FRY: variants seen among roughly 807,000 people sequenced by gnomAD.
FRY encodes protein furry homolog.
Under a neutral mutation model 348.4 loss-of-function variants are expected in FRY, and 128 were observed. That is an observed-to-expected ratio of 0.37 (90% CI 0.32 to 0.43). The LOEUF is 0.43. Among genes scored for constraint, FRY ranks in the 20% least tolerant of loss-of-function variants. The pLI, the probability that FRY is intolerant of heterozygous loss-of-function variation, is 1.00. For missense variants in FRY, 2,736 were observed against 3,695.2 expected (o/e 0.74, Z 6.73); for synonymous variants, 1,370 against 1,374.7 (o/e 1.00, Z 0.08).
chr13:32,176,278 A>C (rs1272387667), intron 20 of FRY, among the ~76,000 whole-genome samples: 1 of 152,252 alleles, frequency 6.6e-6, no homozygotes, highest in African/African-American at 2.4e-5. Flanking sequence ...TGACTTTTAA[A>C]AAATAAAAGT....
At chr13:32,044,065 C>T (rs1217791338) in intron 1 of FRY, among the ~76,000 whole-genome samples, 2 of 150,686 alleles carry the variant, frequency 1.3e-5, no homozygotes, top group Non-Finnish European at 3.0e-5. Flanking sequence ...TAAAATAAGA[C>T]CAAAAAAAGA....
At chr13:32,047,432 CTAAAGA>C (rs1472926789) in intron 1 of FRY, among the ~76,000 whole-genome samples, 1 of 152,238 alleles carries the variant, frequency 6.6e-6, no homozygotes, top group Non-Finnish European at 1.5e-5. Context: ...AATTAACCAT[CTAAAGA>C]TATCCAAGAT....
At chr13:32,282,849 T>A (rs1054366630) in intron 58 of FRY, among the ~76,000 whole-genome samples, 1 of 152,146 alleles carries the variant, frequency 6.6e-6, no homozygotes, top group African/African-American at 2.4e-5. Flanking sequence ...AATTTAAAAC[T>A]TTCACACATA....
chr13:32,287,284 T>G (rs1336268650), intron 58 of FRY, among the ~76,000 whole-genome samples: 1 of 152,210 alleles, frequency 6.6e-6, no homozygotes, highest in Non-Finnish European at 1.5e-5. Context: ...TTTAGTCCTT[T>G]GAAATTAAAA....
intron 1 of FRY, among the ~76,000 whole-genome samples, chr13:32,058,648 C>T (rs962046905): frequency 2.6e-5 from 4 of 152,048 alleles, no homozygotes; most frequent in Admixed American, 6.5e-5. Flanking sequence ...ATACATTTGA[C>T]GGAGGAACAA....
At chr13:32,254,202 G>A in intron 50 of FRY, 22 bp from the exon 51 acceptor site, 1 of 1,612,806 alleles carries the variant, frequency 6.2e-7, no homozygotes, top group Non-Finnish European at 8.5e-7. Context: ...CGGTTTCTCA[G>A]GAGAGGACTC....
At chr13:32,259,753 T>G (rs1318521101) in intron 51 of FRY, among the ~76,000 whole-genome samples, 1 of 152,226 alleles carries the variant, frequency 6.6e-6, no homozygotes, top group Non-Finnish European at 1.5e-5. Context: ...TGGATTTTCC[T>G]TTTCTTCCCA....
At chr13:32,214,691 G>T (rs749280283) in intron 35 of FRY, among the ~76,000 whole-genome samples, 1 of 152,150 alleles carries the variant, frequency 6.6e-6, no homozygotes, top group Non-Finnish European at 1.5e-5. Flanking sequence ...CCACCAGTCC[G>T]CTTTCCCTTA....
At chr13:32,109,299 G>T (rs1324555413) in intron 3 of FRY, among the ~76,000 whole-genome samples, 1 of 152,168 alleles carries the variant, frequency 6.6e-6, no homozygotes, top group Non-Finnish European at 1.5e-5. Flanking sequence ...TCACAAAAAT[G>T]AATAAGACAG....
chr13:32,262,498 G>A, intron 53 of FRY, 23 bp downstream of exon 53: 2 of 1,583,102 alleles, frequency 1.3e-6, no homozygotes, highest in Non-Finnish European at 1.7e-6. Context: ...TAACAATGAT[G>A]ATTTGTACTT....
chr13:32,131,905 G>T (rs1593649264), intron 8 of FRY, 65 bp downstream of exon 8: 1 of 1,239,164 alleles, frequency 8.1e-7, no homozygotes, highest in East Asian at 2.3e-5. Flanking sequence ...TCAAAATGAT[G>T]AACCTGGAAC....
chr13:32,078,428 G>T (rs1333879899), intron 1 of FRY, among the ~76,000 whole-genome samples: 1 of 152,112 alleles, frequency 6.6e-6, no homozygotes, highest in Non-Finnish European at 1.5e-5. Flanking sequence ...AACACAGAGA[G>T]CTCTTGACCA....
chr13:32,255,896 T>A (rs989028503), intron 51 of FRY, among the ~76,000 whole-genome samples: 2 of 152,166 alleles, frequency 1.3e-5, no homozygotes, highest in African/African-American at 4.8e-5. Context: ...GACACCTGTT[T>A]CCCTCTGGAA....
Position 32,209,572 on chromosome 13 carries a change from T to C in FRY, c.4276-13T>C. On this transcript the variant is annotated splice_polypyrimidine_tract_variant and intron_variant, in intron 32 of 60. Transcript: ENST00000542859. ...TTCACACATCTCTTGGGCCGGTTTTTATTTTGTTATAGTATGGAGATGAAG... is the reference window on the plus strand; with the variant it reads ...TTCACACATCTCTTGGGCCGGTTTTCATTTTGTTATAGTATGGAGATGAAG... 2 of 1,614,000 alleles carry C rather than the reference T, an allele frequency of 1.2e-6. No homozygotes were observed. Among genetic ancestry groups the C allele is most frequent in the South Asian group, 1.1e-5 (1 of 91,080 alleles).
chr13:32,111,333 C>T (rs1221040368), intron 3 of FRY, among the ~76,000 whole-genome samples: 1 of 150,860 alleles, frequency 6.6e-6, no homozygotes, highest in Non-Finnish European at 1.5e-5. Flanking sequence ...ACTAAAAATA[C>T]CAAAAAAAAA....
At chr13:32,139,738 G>GACC in intron 11 of FRY, among the ~76,000 whole-genome samples, 1 of 152,148 alleles carries the variant, frequency 6.6e-6, no homozygotes, top group African/African-American at 2.4e-5. Context: ...CATCTTTCAG[G>GACC]AACTCTTGGT....
chr13:32,185,603 C>G (rs1348126699), intron 26 of FRY, among the ~76,000 whole-genome samples: 1 of 152,070 alleles, frequency 6.6e-6, no homozygotes, highest in Non-Finnish European at 1.5e-5. Flanking sequence ...TTAAATATTA[C>G]ATTATGGAGA....
intron 58 of FRY, among the ~76,000 whole-genome samples, chr13:32,283,578 GA>G (rs1888916806): frequency 6.6e-6 from 1 of 152,194 alleles, no homozygotes; most frequent in African/African-American, 2.4e-5. Context: ...TATGTTGGAG[GA>G]AAATTCTCAG....
At chr13:32,219,289 C>G (rs1251692236) in intron 36 of FRY, among the ~76,000 whole-genome samples, 1 of 149,256 alleles carries the variant, frequency 6.7e-6, no homozygotes, top group South Asian at 2.1e-4. Flanking sequence ...CGGGATTTCA[C>G]CGTGTTAACC....
Sources: allele counts gnomAD v4.1 joint callset (sites outside exome capture counted in the v4.1 genomes callset), GRCh38; gene constraint gnomAD v4.1.1; transcripts MANE v1.5; gene names NCBI Gene and HGNC (gene_info 2026-07-23, HGNC 2026-07-21).